CCDC192: variants seen among roughly 807,000 people sequenced by gnomAD.
The protein encoded by CCDC192 is coiled-coil domain-containing protein 192.
At chr5:127,937,736 C>T (rs924420769) in intron 6 of CCDC192, among the ~76,000 whole-genome samples, 9 of 152,238 alleles carry the variant, frequency 5.9e-5, no homozygotes, top group African/African-American at 9.6e-5. Flanking sequence ...TCCTAGTGAC[C>T]GTGACTGCCT....
intron 6 of CCDC192, among the ~76,000 whole-genome samples, chr5:127,901,229 T>C (rs1753029698): frequency 6.6e-6 from 1 of 152,234 alleles, no homozygotes; most frequent in Admixed American, 6.5e-5. Context: ...TGAAATATTC[T>C]TAAGAAATTA....
intron 5 of CCDC192, among the ~76,000 whole-genome samples, chr5:127,810,151 C>T (rs561027646): frequency 6.6e-6 from 1 of 152,236 alleles, no homozygotes; most frequent in South Asian, 2.1e-4. Context: ...CACATAGATC[C>T]CAGAATTTCA....
rs1407417332 is a variant in CCDC192 at position 127,813,779 on chromosome 5, T to TA, written c.411+15623dup. Among the ~76,000 whole-genome samples the TA allele has an allele frequency of 2.6e-5, 4 of 152,262 alleles. No homozygotes were observed. In the East Asian group the frequency reaches 5.8e-4, roughly 22 times the overall value. On this transcript the variant is annotated intron_variant, in intron 5 of 6. Transcript: ENST00000514853. ...CAAATGGTTTAAATATGAATCATCT[T>TA]AAAAAACAAAGAAAAACTAAAATAG...
At chr5:127,842,758 A>G (rs1750345733) in intron 5 of CCDC192, among the ~76,000 whole-genome samples, 1 of 152,324 alleles carries the variant, frequency 6.6e-6, no homozygotes, top group South Asian at 2.1e-4. Flanking sequence ...GATTGCCTCA[A>G]TGATTATACT....
chr5:127,772,365 A>T lies in CCDC192; in HGVS notation c.222+17990A>T, dbSNP rs116173981. On this transcript the variant is annotated intron_variant, in intron 3 of 6. Transcript: ENST00000514853. ...TCCCAGCTACTCTGGAGGCTGGAGC[A>T]GGAGAATCACTTGAACCTGTGTTGG... Among the ~76,000 whole-genome samples, 194 of 151,840 alleles carry T rather than the reference A, an allele frequency of 1.3e-3. 1 individual carries two copies. The highest frequency in any genetic ancestry group is 4.5e-3 in the African/African-American group (185 of 41,388).
intron 5 of CCDC192, among the ~76,000 whole-genome samples, chr5:127,861,091 C>T (rs548512673): frequency 3.3e-5 from 5 of 152,186 alleles, no homozygotes; most frequent in South Asian, 2.1e-4. Context: ...TCACTACAAC[C>T]TTCACCTTTC....
intron 5 of CCDC192, among the ~76,000 whole-genome samples, chr5:127,814,255 G>A (rs1436449136): frequency 6.6e-6 from 1 of 152,174 alleles, no homozygotes; most frequent in Non-Finnish European, 1.5e-5. Flanking sequence ...AATCAGAATA[G>A]GAGGCGTTAT....
intron 5 of CCDC192, among the ~76,000 whole-genome samples, chr5:127,869,971 G>A (rs1319292155): frequency 6.6e-6 from 1 of 152,152 alleles, no homozygotes; most frequent in African/African-American, 2.4e-5. Flanking sequence ...GGTCATGTGG[G>A]GTCAGGCTCT....
intron 6 of CCDC192, among the ~76,000 whole-genome samples, chr5:127,918,487 G>A (rs1419069192): frequency 6.6e-6 from 1 of 151,990 alleles, no homozygotes; most frequent in Non-Finnish European, 1.5e-5. Flanking sequence ...TATCCCCAAG[G>A]CCTAACTTAG....
intron 2 of CCDC192, among the ~76,000 whole-genome samples, chr5:127,737,252 C>G (rs1421837021): frequency 1.3e-5 from 2 of 152,054 alleles, no homozygotes; most frequent in Non-Finnish European, 1.5e-5. Flanking sequence ...TAGTGAGATT[C>G]TTAATCCTGA....
chr5:127,785,285 C>T, intron 3 of CCDC192: 2 of 490,086 alleles, frequency 4.1e-6, no homozygotes, highest in Non-Finnish European at 4.1e-6. Context: ...GGAAGGCAAA[C>T]ATACAAGACT....
intron 2 of CCDC192, among the ~76,000 whole-genome samples, chr5:127,742,509 G>A (rs1753480649): frequency 6.6e-6 from 1 of 152,154 alleles, no homozygotes; most frequent in South Asian, 2.1e-4. Context: ...AGGTCCAGGG[G>A]AATTCAGGGA....
At chr5:127,885,270 G>A (rs1284467622) in intron 6 of CCDC192, among the ~76,000 whole-genome samples, 1 of 152,166 alleles carries the variant, frequency 6.6e-6, no homozygotes, top group East Asian at 1.9e-4. Context: ...TTACCTGAAG[G>A]GCATGTACTG....
intron 5 of CCDC192, among the ~76,000 whole-genome samples, chr5:127,806,726 T>G (rs952027046): frequency 6.6e-6 from 1 of 152,160 alleles, no homozygotes; most frequent in African/African-American, 2.4e-5. Flanking sequence ...GCCACATTTC[T>G]CTATATAAAA....
At chr5:127,756,630 G>T (rs1440777910) in intron 3 of CCDC192, among the ~76,000 whole-genome samples, 1 of 152,220 alleles carries the variant, frequency 6.6e-6, no homozygotes, top group Non-Finnish European at 1.5e-5. Context: ...AATTTGGGGA[G>T]GTTCAGCCAC....
chr5:127,838,414 G>A (rs1750131609), intron 5 of CCDC192: 1 of 152,056 alleles, frequency 6.6e-6, no homozygotes, highest in Non-Finnish European at 1.5e-5. Flanking sequence ...TCGTCTTCAG[G>A]GGACATTAAT....
At chr5:127,886,903 T>C (rs894991158) in intron 6 of CCDC192, among the ~76,000 whole-genome samples, 1 of 152,174 alleles carries the variant, frequency 6.6e-6, no homozygotes, top group East Asian at 1.9e-4. Flanking sequence ...GAGAAATAGA[T>C]GTATGCTTCA....
intron 2 of CCDC192, among the ~76,000 whole-genome samples, chr5:127,747,112 T>A (rs2126854050): frequency 6.6e-6 from 1 of 152,182 alleles, no homozygotes; most frequent in South Asian, 2.1e-4. Flanking sequence ...TTATTTATTT[T>A]TTTATTGTTA....
intron 5 of CCDC192, among the ~76,000 whole-genome samples, chr5:127,805,702 T>A (rs1437080444): frequency 6.6e-6 from 1 of 152,206 alleles, no homozygotes; most frequent in Non-Finnish European, 1.5e-5. Flanking sequence ...TACTGAATGA[T>A]TGCATGTGAG....
Sources: allele counts gnomAD v4.1 joint callset (sites outside exome capture counted in the v4.1 genomes callset), GRCh38; gene constraint gnomAD v4.1.1; transcripts MANE v1.5; gene names NCBI Gene and HGNC (gene_info 2026-07-23, HGNC 2026-07-21).